Variants in DLG2 observed in about 807,000 individuals in gnomAD.
DLG2 encodes the protein discs large MAGUK scaffold protein 2.
DLG2 carries 45 observed loss-of-function variants against 132.5 expected under a neutral mutation model. The observed-to-expected ratio is 0.34, with a 90% confidence interval of 0.27 to 0.44. DLG2 has a LOEUF of 0.44. DLG2 is among the 20% of genes least tolerant of loss of function. The probability of loss-of-function intolerance (pLI) is 1.00; values close to 1 mark genes in which losing one functional copy is unlikely to be tolerated. For synonymous variants in DLG2, 424 were observed against 419.6 expected (o/e 1.01, Z -0.13); for missense variants, 1,045 against 1,196.9 (o/e 0.87, Z 1.87).
Position 83,457,649 on chromosome 11 carries a change from T to A in DLG2, c.*2169A>T, listed in dbSNP as rs538257563. On this transcript the variant is annotated 3_prime_UTR_variant, in exon 28 of 28. Coordinates refer to ENST00000376104, the MANE Select transcript of DLG2 (RefSeq NM_001142699.3). ...TTTAAATAAATGGTTGCATGCTCAG[T>A]TGAGAAACCAAAGAAGTTATCGTGG... 6.6e-6 allele frequency: 1 copy of A among 152,310 alleles called. No individual in the cohort carries two copies. Among genetic ancestry groups the A allele is most frequent in the Non-Finnish European group, 1.5e-5 (1 of 68,010 alleles). 9.4% of individuals were successfully genotyped at this position (152,310 alleles called of 1,614,324 possible).
chr11:85,524,932 T>A (rs944239383), intron 3 of DLG2: 1 of 149,298 alleles, frequency 6.7e-6, no homozygotes, highest in Non-Finnish European at 1.5e-5. Flanking sequence ...ATGATGGAAA[T>A]GTTCCATGTT....
At chr11:83,885,148 C>A (rs1430338361) in intron 15 of DLG2, among the ~76,000 whole-genome samples, 24 of 152,282 alleles carry the variant, frequency 1.6e-4, no homozygotes, top group Admixed American at 1.6e-3. Flanking sequence ...CAAACTACTC[C>A]AAGCTACAGG....
chr11:84,803,761 G>T (rs1052671585), intron 6 of DLG2, among the ~76,000 whole-genome samples: 4 of 152,148 alleles, frequency 2.6e-5, no homozygotes, highest in Admixed American at 1.3e-4. Flanking sequence ...AGCCCATAAA[G>T]GAGTCCTTAC....
intron 21 of DLG2, among the ~76,000 whole-genome samples, chr11:83,503,420 T>TATAG (rs1240156958): frequency 0.05 from 3,787 of 75,496 alleles, 191 homozygotes; most frequent in Non-Finnish European, 0.075. Flanking sequence ...TATATATATA[T>TATAG]ATAGATAGAT....
chr11:85,034,239 G>A (rs1340999231), intron 6 of DLG2, among the ~76,000 whole-genome samples: 2 of 151,766 alleles, frequency 1.3e-5, no homozygotes, highest in East Asian at 3.9e-4. Context: ...CACCATGCCC[G>A]GCTAATTTTT....
At chr11:84,315,112 T>C (rs1461753579) in intron 7 of DLG2, among the ~76,000 whole-genome samples, 3 of 152,156 alleles carry the variant, frequency 2.0e-5, no homozygotes, top group African/African-American at 7.2e-5. Flanking sequence ...TACCTCAATT[T>C]GTTGCCTTCT....
At chr11:84,162,576 C>T (rs1466047513) in intron 9 of DLG2, among the ~76,000 whole-genome samples, 1 of 152,028 alleles carries the variant, frequency 6.6e-6, no homozygotes, top group Non-Finnish European at 1.5e-5. Context: ...TCAATACACA[C>T]ATTCATCGTG....
intron 11 of DLG2, among the ~76,000 whole-genome samples, chr11:84,007,267 G>A (rs989441493): frequency 4.6e-5 from 7 of 151,654 alleles, no homozygotes; most frequent in Non-Finnish European, 7.4e-5. Flanking sequence ...AGTATTTATT[G>A]TATGGTTTCA....
rs2094988081 is a variant in DLG2 at position 84,013,373 on chromosome 11, C to A, written c.920-32731G>T. 1.3e-5 allele frequency among the ~76,000 whole-genome samples: 2 copies of A among 152,048 alleles called. 1 individual carries two copies. The highest frequency in any genetic ancestry group is 4.2e-4 in the South Asian group (2 of 4,816). On this transcript the variant is annotated intron_variant, in intron 11 of 27. Coordinates refer to ENST00000376104, the MANE Select transcript of DLG2 (RefSeq NM_001142699.3). ...CAAGCTTCACAAAGAGAACAAGTAT[C>A]TAATATTGAGGAGCTCATGGTCTAG...
chr11:85,515,666 G>A (rs1598170707), intron 3 of DLG2, among the ~76,000 whole-genome samples: 1 of 151,842 alleles, frequency 6.6e-6, no homozygotes, highest in East Asian at 1.9e-4. Context: ...GAAACAACAG[G>A]GTAATATAAG....
At chr11:85,025,910 A>T (rs1171704718) in intron 6 of DLG2, among the ~76,000 whole-genome samples, 1 of 151,882 alleles carries the variant, frequency 6.6e-6, no homozygotes, top group African/African-American at 2.4e-5. Flanking sequence ...TTAGATACAC[A>T]TGATTATCTA....
At chr11:85,015,674 T>A (rs942843404) in intron 6 of DLG2, among the ~76,000 whole-genome samples, 1 of 152,134 alleles carries the variant, frequency 6.6e-6, no homozygotes, top group Non-Finnish European at 1.5e-5. Context: ...TCTATGAACT[T>A]TCCCAAATAA....
rs904053260 is a variant in DLG2, at chr11:84,383,211, C to T, written c.520-131920G>A. Among the ~76,000 whole-genome samples the T allele has an allele frequency of 3.3e-5, 5 of 152,060 alleles. No individual in the cohort carries two copies. The South Asian group carries it at 8.3e-4, about 25-fold the overall frequency. ...TGTTGTCTTAGCATGGTTCATTTTC[C>T]TATTATCTACTCATAAATATCATGT... is the stretch of plus-strand genomic sequence containing the variant. On this transcript the variant is annotated intron_variant, in intron 7 of 27. Transcript: ENST00000376104.
chr11:84,780,880 T>A (rs1336766023), intron 6 of DLG2, among the ~76,000 whole-genome samples: 2 of 151,894 alleles, frequency 1.3e-5, no homozygotes, highest in African/African-American at 4.8e-5. Context: ...CCATTATAGT[T>A]TTTTCCCACT....
chr11:84,778,669 G>T (rs958199212), intron 6 of DLG2, among the ~76,000 whole-genome samples: 1 of 151,992 alleles, frequency 6.6e-6, no homozygotes, highest in Non-Finnish European at 1.5e-5. Context: ...TTCTGTGATG[G>T]TTAATATTGT....
intron 6 of DLG2, among the ~76,000 whole-genome samples, chr11:84,608,008 AAC>A (rs1261379497): frequency 1.3e-5 from 2 of 152,162 alleles, no homozygotes; most frequent in African/African-American, 4.8e-5. Context: ...TGTGTCAGAT[AAC>A]AATTCCTGTG....
rs190538641 is a variant in DLG2 at position 84,671,714 on chromosome 11, C to T, written c.358-136983G>A. The stretch of plus-strand genomic sequence containing the variant: ...CTTTTGCAGGAAGTCTGGCAAGTTT[C>T]GCCACTTTTAATGACTGGTATGGAC... On this transcript the variant is annotated intron_variant, in intron 6 of 27. Coordinates refer to ENST00000376104, the MANE Select transcript of DLG2 (RefSeq NM_001142699.3). Among the ~76,000 whole-genome samples, 372 of 152,210 alleles carry T rather than the reference C, an allele frequency of 2.4e-3. 2 individuals carry two copies. Among genetic ancestry groups the T allele is most frequent in the African/African-American group, 8.4e-3 (350 of 41,544 alleles).
chr11:84,662,921 G>A (rs1397587419), intron 6 of DLG2, among the ~76,000 whole-genome samples: 4 of 151,982 alleles, frequency 2.6e-5, no homozygotes, highest in African/African-American at 9.7e-5. Context: ...ACAAATTGGG[G>A]CATTTTCTGA....
At chr11:84,080,402 T>A (rs2096885907) in intron 10 of DLG2, among the ~76,000 whole-genome samples, 1 of 152,132 alleles carries the variant, frequency 6.6e-6, no homozygotes, top group Admixed American at 6.5e-5. Context: ...CTTTTCTAAG[T>A]CAGGTTTGCA....
Sources: allele counts gnomAD v4.1 joint callset (sites outside exome capture counted in the v4.1 genomes callset), GRCh38; gene constraint gnomAD v4.1.1; transcripts MANE v1.5; gene names NCBI Gene and HGNC (gene_info 2026-07-23, HGNC 2026-07-21).